Variants in LECT2 observed in about 807,000 individuals in gnomAD.
The protein encoded by LECT2 is leukocyte cell derived chemotaxin 2, also known as leukocyte cell-derived chemotaxin-2.
In LECT2, 11 loss-of-function variants were observed where a neutral mutation model predicts 16.6. The observed-to-expected ratio is 0.66, with a 90% confidence interval of 0.42 to 1.09. The LOEUF is 1.09. LECT2 is among the 50% of genes least tolerant of loss of function. The pLI is 0.00. For synonymous variants in LECT2, 54 were observed against 64.8 expected (o/e 0.83, Z 0.80); for missense variants, 173 against 184.2 (o/e 0.94, Z 0.35).
chr5:135,951,454 G>T, intron 2 of LECT2, 86 bp from the exon 3 acceptor site: 1 of 1,275,766 alleles, frequency 7.8e-7, no homozygotes, highest in Non-Finnish European at 1.1e-6. Flanking sequence ...CCCACTGTTT[G>T]CAGACGAGGT....
In LECT2 at chr5:135,947,420, G is replaced by A; in HGVS notation, c.367C>T (p.Leu123=). ...GGATAAACTTTCTGCAAGGGCAATA[G>A]AGTTCCAAGTTTTTCTCCCTTCTTA... ...PIKKGEKLGT[L]LPLQKVYPGI... is the part of the protein sequence containing the mutation. Residue 123 remains leucine, a synonymous_variant, in exon 4 of 4, where the codon CTA becomes TTA. Coordinates refer to ENST00000274507, the MANE Select transcript of LECT2 (RefSeq NM_002302.3). 6.2e-7 allele frequency: 1 copy of A among 1,614,086 alleles called. No individual in the cohort carries two copies. The highest frequency in any genetic ancestry group is 1.3e-5 in the African/African-American group (1 of 75,054).
chr5:135,951,373 G>A lies in LECT2; in HGVS notation c.144-5C>T, dbSNP rs2126876581. The A allele has an allele frequency of 1.9e-6, 3 of 1,612,514 alleles. No individual in the cohort carries two copies. The South Asian group carries it at 3.3e-5, about 18-fold the overall frequency. ...CCCTGGTGAGGCCTCTGACTTCTAG[G>A]ATGTAAATAAGAACGAACAGACTGA... On this transcript the variant is annotated splice_polypyrimidine_tract_variant and splice_region_variant and intron_variant, in intron 2 of 3. Coordinates refer to ENST00000274507, the MANE Select transcript of LECT2 (RefSeq NM_002302.3).
In LECT2 at chr5:135,950,849, G is replaced by C. The variant is rs907002641; in HGVS notation, c.289+374C>G. On this transcript the variant is annotated intron_variant, in intron 3 of 3. Transcript: ENST00000274507. ...CCTCCAATCAGCTGTGGGGTTTCGTGAAGTGTGTGCATGAAGCAGAAGTTT... is the reference window on the plus strand; with the variant it reads ...CCTCCAATCAGCTGTGGGGTTTCGTCAAGTGTGTGCATGAAGCAGAAGTTT... The C allele has an allele frequency of 1.3e-4, 38 of 286,704 alleles. 1 individual carries two copies. In the Admixed American group the frequency reaches 1.8e-3, roughly 14 times the overall value. The allele number at this position is 286,704 out of a possible 1,614,324, so 17.8% of individuals were successfully genotyped here. A position where few individuals can be genotyped will look rare whatever the true frequency, so the allele number is the denominator to read the frequency against.
At chr5:135,947,864 AAG>A (rs1198796676) in intron 3 of LECT2, among the ~76,000 whole-genome samples, 2 of 152,366 alleles carry the variant, frequency 1.3e-5, no homozygotes, top group African/African-American at 4.8e-5. Context: ...TAAATATCAA[AAG>A]AATTAAAAAG....
intron 3 of LECT2, 90 bp from the exon 4 acceptor site, chr5:135,947,587 AAAG>A (rs1763723469): frequency 2.2e-6 from 3 of 1,337,620 alleles, no homozygotes; most frequent in South Asian, 3.7e-5. Context: ...AAAATAAAAA[AAAG>A]AATGTTGAAT....
At chr5:135,951,481 GC>G in intron 2 of LECT2, 113 bp from the exon 3 acceptor site, 1 of 1,003,372 alleles carries the variant, frequency 1.0e-6, no homozygotes, top group Non-Finnish European at 1.4e-6. Context: ...GCTTGAAGCT[GC>G]CAGAACATGT....
chr5:135,954,670 C>G (rs749214741), intron 1 of LECT2, 118 bp downstream of exon 1: 35 of 703,912 alleles, frequency 5.0e-5, no homozygotes, highest in Non-Finnish European at 8.1e-5. Flanking sequence ...TTTTAATAGC[C>G]AAATACACAA....
chr5:135,953,454 C>G (rs970052480), intron 1 of LECT2, among the ~76,000 whole-genome samples: 10 of 152,184 alleles, frequency 6.6e-5, no homozygotes, highest in African/African-American at 2.4e-4. Context: ...CCTGCCTCAG[C>G]CTCCCAAAGT....
In LECT2 at chr5:135,954,474, A is replaced by G. The variant is rs541942401; in HGVS notation, c.46+314T>C. On this transcript the variant is annotated intron_variant, in intron 1 of 3. Coordinates refer to ENST00000274507, the MANE Select transcript of LECT2 (RefSeq NM_002302.3). ...GAATTTGATTTTGATCAAAATCAGA[A>G]TCAAATATTTATATCAACTTTTTAT... Among the ~76,000 whole-genome samples, 4 of 152,354 alleles carry G rather than the reference A, an allele frequency of 2.6e-5. No homozygotes were observed. The South Asian group carries it at 8.3e-4, about 32-fold the overall frequency.
chr5:135,951,179 A>G (rs749059642), intron 3 of LECT2, 44 bp downstream of exon 3: 4 of 1,587,090 alleles, frequency 2.5e-6, no homozygotes, highest in African/African-American at 2.7e-5. Flanking sequence ...ATGAGCATCA[A>G]CATCTCCAGG....
chr5:135,954,802 C>A lies in LECT2; in HGVS notation c.32G>T (p.Gly11Val). MFSTKALLLA[G>V]LISTALAGPW... ...TTTCGACTTACCGGTAGAAATCAGA[C>A]CAGCCAAAAGGAGGGCTTTGGTGGA... The change falls in exon 1 of 4, where the codon GGT becomes GTT. Residue 11 changes from glycine (G) to valine (V), a missense_variant. Coordinates refer to ENST00000274507, the MANE Select transcript of LECT2 (RefSeq NM_002302.3). The A allele has an allele frequency of 6.2e-7, 1 of 1,613,276 alleles. No homozygotes were observed. Among genetic ancestry groups the A allele is most frequent in the South Asian group, 1.1e-5 (1 of 90,998 alleles).
rs557198334 is a variant in LECT2, at chr5:135,948,943, G to A, written c.290-1446C>T. Among the ~76,000 whole-genome samples the A allele has an allele frequency of 5.9e-5, 9 of 152,200 alleles. No individual in the cohort carries two copies. In the South Asian group the frequency reaches 1.7e-3, roughly 28 times the overall value. Reference sequence around the variant, plus strand: ...ATCCACCTCGGCCTCCCAAAGTGCTGGGATTACAGGCACGAGCCACCGTGC... The same window carrying A: ...ATCCACCTCGGCCTCCCAAAGTGCTAGGATTACAGGCACGAGCCACCGTGC... On this transcript the variant is annotated intron_variant, in intron 3 of 3. Transcript: ENST00000274507.
rs766823384 is a variant in LECT2, at chr5:135,947,349, G to T, written c.438C>A (p.Asp146Glu). The change falls in exon 4 of 4, where the codon GAC (aspartate) becomes GAA (glutamate). Residue 146 changes from aspartate (D) to glutamate (E), a missense_variant. Asp to Glu is a conservative substitution (Grantham distance 45, BLOSUM62 2). Transcript: ENST00000274507. The stretch of plus-strand genomic sequence containing the variant: ...CTTCGATTTACAGGTATGCAGTAGG[G>T]TCACTCGAGTCACAGTTTTCAATGT... ...HVHIENCDSS[D>E]PTAYL The T allele has an allele frequency of 1.4e-5, 23 of 1,613,718 alleles. No homozygotes were observed. Among genetic ancestry groups the T allele is most frequent in the Admixed American group, 8.3e-5 (5 of 59,972 alleles).
chr5:135,954,875 C>T lies in LECT2; in HGVS notation c.-42G>A, dbSNP rs370113708. 2.2e-4 allele frequency: 309 copies of T among 1,384,726 alleles called. No individual in the cohort carries two copies. The highest frequency in any genetic ancestry group is 2.9e-4 in the Non-Finnish European group (279 of 972,614). 85.8% of individuals were successfully genotyped at this position (1,384,726 alleles called of 1,614,324 possible). A position where few individuals can be genotyped will look rare whatever the true frequency, so the allele number is the denominator to read the frequency against. On this transcript the variant is annotated 5_prime_UTR_variant, in exon 1 of 4. Transcript: ENST00000274507. The stretch of plus-strand genomic sequence containing the variant: ...TAGTTTCTTCCTCTGATTAGAGTTG[C>T]CCCCACACTCTCTTTGAAGAATATT...
At chr5:135,951,407 C>A (rs375084873) in intron 2 of LECT2, 39 bp from the exon 3 acceptor site, 46 of 1,579,308 alleles carry the variant, frequency 2.9e-5, no homozygotes, top group Non-Finnish European at 4.0e-5. Flanking sequence ...GAGGAACTGC[C>A]TTAGGGGAGC....
At chr5:135,952,774 G>A (rs1763813067) in intron 2 of LECT2, 97 bp downstream of exon 2, 3 of 761,102 alleles carry the variant, frequency 3.9e-6, no homozygotes, top group Non-Finnish European at 7.0e-6. Flanking sequence ...CATGCTGTCA[G>A]AACTGTGAGC....
At chr5:135,954,559 G>A (rs1763834841) in intron 1 of LECT2, among the ~76,000 whole-genome samples, 1 of 152,162 alleles carries the variant, frequency 6.6e-6, no homozygotes, top group African/African-American at 2.4e-5. Flanking sequence ...GCTTTGTAAT[G>A]TCTTCTCAAC....
At chr5:135,951,519 GT>G in intron 2 of LECT2, 151 bp from the exon 3 acceptor site, 1 of 626,750 alleles carries the variant, frequency 1.6e-6, no homozygotes, top group Non-Finnish European at 2.6e-6. Flanking sequence ...GCCTCACTCT[GT>G]TTAGCCCAAT....
Position 135,947,310 on chromosome 5 carries a change from A to G in LECT2, c.*21T>C, listed in dbSNP as rs1207474664. 2 of 1,606,512 alleles carry G rather than the reference A, an allele frequency of 1.2e-6. No homozygotes were observed. Among genetic ancestry groups the G allele is most frequent in the Admixed American group, 3.4e-5 (2 of 59,372 alleles). On this transcript the variant is annotated 3_prime_UTR_variant, in exon 4 of 4. Coordinates refer to ENST00000274507, the MANE Select transcript of LECT2 (RefSeq NM_002302.3). ...TTTAAGATGACTTTTTATTTTGAAGATCTGACCATTGGCCTTCGATTTACA... is the reference window on the plus strand; with the variant it reads ...TTTAAGATGACTTTTTATTTTGAAGGTCTGACCATTGGCCTTCGATTTACA...
Sources: allele counts gnomAD v4.1 joint callset (sites outside exome capture counted in the v4.1 genomes callset), GRCh38; gene constraint gnomAD v4.1.1; transcripts MANE v1.5; gene names NCBI Gene and HGNC (gene_info 2026-07-23, HGNC 2026-07-21).